COL5A1: variants seen among roughly 807,000 people sequenced by gnomAD.
COL5A1 encodes collagen alpha-1(V) chain.
A neutral mutation model predicts 263.7 loss-of-function variants in COL5A1; 16 were observed. The ratio of observed to expected loss-of-function variants is 0.06; its 90% CI spans 0.04 to 0.09. COL5A1 has a LOEUF of 0.09. Ranked by LOEUF, COL5A1 falls within the 10% of genes least tolerant of loss-of-function variation. The pLI is 1.00. For missense variants in COL5A1, 2,036 were observed against 2,540.5 expected, an observed-to-expected ratio of 0.80 and a Z score of 4.27; for synonymous variants, 1,012 against 1,004.5, an observed-to-expected ratio of 1.01 and a Z score of -0.14.
At chr9:134,721,119 A>T (rs1413531231) in intron 4 of COL5A1, among the ~76,000 whole-genome samples, 1 of 152,066 alleles carries the variant, frequency 6.6e-6, no homozygotes, top group East Asian at 1.9e-4. Flanking sequence ...GACCCATCAC[A>T]TCTTTCATCA....
intron 65 of COL5A1, among the ~76,000 whole-genome samples, chr9:134,835,954 C>A (rs1839839231): frequency 6.6e-6 from 1 of 152,186 alleles, no homozygotes; most frequent in Non-Finnish European, 1.5e-5. Flanking sequence ...CCTGCGGGAG[C>A]CTCAGACATG....
rs1832733041 is a variant in COL5A1, at chr9:134,678,106, G to C, written c.110-12806G>C. On this transcript the variant is annotated intron_variant, in intron 1 of 65. Coordinates refer to ENST00000371817, the MANE Select transcript of COL5A1 (RefSeq NM_000093.5). The surrounding 1 kb of genome is among the most constrained non-coding windows in gnomAD (Gnocchi z 5.5). ...TCCCTCCGCAGCAGGGTATCTGCAG[G>C]GGTCTTGGAGGCATTCTCCCAGCTT... Among the ~76,000 whole-genome samples, 1 of 152,208 alleles carries C rather than the reference G, an allele frequency of 6.6e-6. No homozygotes were observed. The highest frequency in any genetic ancestry group is 2.1e-4 in the South Asian group (1 of 4,822).
chr9:134,777,358 C>T (rs1290954732), intron 27 of COL5A1, among the ~76,000 whole-genome samples: 1 of 152,218 alleles, frequency 6.6e-6, no homozygotes, highest in Non-Finnish European at 1.5e-5. Flanking sequence ...GTCACGGATG[C>T]CCCAATCCAG....
rs189727896 is a variant in COL5A1, at chr9:134,818,280, C to T, written c.4231-376C>T. On this transcript the variant is annotated intron_variant, in intron 54 of 65. Coordinates refer to ENST00000371817, the MANE Select transcript of COL5A1 (RefSeq NM_000093.5). The surrounding 1 kb of genome is among the most constrained non-coding windows in gnomAD (Gnocchi z 6.0). The stretch of plus-strand genomic sequence containing the variant: ...GGCTTGGGGCCTGGCCCAGAGCACA[C>T]GGGAGGCTATTCTGTCAGTGAGGTG... Among the ~76,000 whole-genome samples the T allele has an allele frequency of 9.8e-5, 15 of 152,300 alleles. No individual in the cohort carries two copies. The East Asian group carries it at 1.9e-3, about 20-fold the overall frequency.
intron 10 of COL5A1, 55 bp downstream of exon 10, chr9:134,738,570 G>A (rs775777699): frequency 1.9e-5 from 30 of 1,599,576 alleles, no homozygotes; most frequent in Non-Finnish European, 2.4e-5. Flanking sequence ...GTGGGGTGGG[G>A]TTGGTGACAC....
intron 7 of COL5A1, among the ~76,000 whole-genome samples, chr9:134,731,168 C>T (rs1834865937): frequency 1.3e-5 from 2 of 152,194 alleles, no homozygotes; most frequent in Non-Finnish European, 2.9e-5. Flanking sequence ...AGGTCCAGAC[C>T]CCTGCGTCTG....
Position 134,827,926 on chromosome 9 carries a change from C to T in COL5A1, c.5067+2022C>T, listed in dbSNP as rs116607318. On this transcript the variant is annotated intron_variant, in intron 63 of 65. Transcript: ENST00000371817. ...GAGAGGGTGGGAGAGCTCTGGGTGGCGTGAGAGGCAGATGGGACACCCCTT... is the reference window on the plus strand; with the variant it reads ...GAGAGGGTGGGAGAGCTCTGGGTGGTGTGAGAGGCAGATGGGACACCCCTT... Among the ~76,000 whole-genome samples the T allele has an allele frequency of 4.3e-3, 659 of 152,316 alleles. 4 individuals are homozygous for T. The highest frequency in any genetic ancestry group is 0.015 in the African/African-American group (637 of 41,574).
chr9:134,646,871 C>T (rs762699504), intron 1 of COL5A1, among the ~76,000 whole-genome samples: 3 of 152,210 alleles, frequency 2.0e-5, no homozygotes, highest in Non-Finnish European at 4.4e-5. Context: ...GTTTCCCTGC[C>T]TCTGAGGGGC....
chr9:134,830,076 C>G, intron 64 of COL5A1, 32 bp downstream of exon 64: 1 of 1,613,658 alleles, frequency 6.2e-7, no homozygotes, highest in Non-Finnish European at 8.5e-7. Context: ...TTGCGGTTGT[C>G]ACTTTAAACC....
Position 134,824,761 on chromosome 9 carries a change from G to A in COL5A1, c.4860G>A (p.Leu1620=), listed in dbSNP as rs1481521979. ...TCGGCTCTCTCAACTCTCTGAAGCT[G>A]GAGATTGAGCAGATGAAACGGCCCC... is the stretch of plus-strand genomic sequence containing the variant. The part of the protein sequence containing the change: ...EIFGSLNSLK[L]EIEQMKRPLG... Residue 1620 remains leucine, a synonymous_variant, in exon 62 of 66, where the codon CTG becomes CTA. Coordinates refer to ENST00000371817, the MANE Select transcript of COL5A1 (RefSeq NM_000093.5). 3.1e-6 allele frequency: 5 copies of A among 1,614,070 alleles called. No individual in the cohort carries two copies. The highest frequency in any genetic ancestry group is 4.5e-5 in the East Asian group (2 of 44,884).
rs1232704675 is a variant in COL5A1, at chr9:134,710,940, TGGG to T, written c.654+9610_654+9612del. On this transcript the variant is annotated intron_variant, in intron 4 of 65. Coordinates refer to ENST00000371817, the MANE Select transcript of COL5A1 (RefSeq NM_000093.5). ...GGGCCCCGTCTGTTGGGTGCAGTGG[TGGG>T]GGAGGGGCCCCGTCTGTTGGGTGCA... is the stretch of plus-strand genomic sequence containing the variant. Among the ~76,000 whole-genome samples the T allele has an allele frequency of 2.9e-4, 22 of 76,906 alleles. 2 individuals carry two copies. The highest frequency in any genetic ancestry group is 1.0e-3 in the South Asian group (2 of 1,962). 50.5% of individuals were successfully genotyped at this position (76,906 alleles called of 152,430 possible).
At chr9:134,803,966 C>A (rs1472527874) in intron 39 of COL5A1, among the ~76,000 whole-genome samples, 1 of 152,160 alleles carries the variant, frequency 6.6e-6, no homozygotes, top group Non-Finnish European at 1.5e-5. Flanking sequence ...ATATCTCCTC[C>A]CCTGGGCGCC....
intron 9 of COL5A1, among the ~76,000 whole-genome samples, chr9:134,734,169 G>A (rs1346880702): frequency 6.6e-6 from 1 of 152,204 alleles, no homozygotes; most frequent in East Asian, 1.9e-4. Flanking sequence ...CGGGAAGGCA[G>A]CAGTGGGCAA....
intron 1 of COL5A1, among the ~76,000 whole-genome samples, chr9:134,646,177 C>T (rs558086484): frequency 7.9e-4 from 120 of 152,274 alleles, no homozygotes; most frequent in African/African-American, 2.0e-3. Flanking sequence ...TTGGGGAGAC[C>T]GAGGCAAATG....
intron 57 of COL5A1, 100 bp from the exon 58 acceptor site, chr9:134,820,016 T>C (rs1000012257): frequency 1.9e-5 from 17 of 889,704 alleles, no homozygotes; most frequent in African/African-American, 3.3e-5. Context: ...GATGTAAAGC[T>C]TCCTGTGCCA....
chr9:134,666,364 G>A (rs1832356189), intron 1 of COL5A1, among the ~76,000 whole-genome samples: 1 of 150,424 alleles, frequency 6.6e-6, no homozygotes, highest in Admixed American at 6.6e-5. Flanking sequence ...AGGCTCCTGG[G>A]GCCATTCTGC....
chr9:134,739,935 C>T (rs754374103), intron 11 of COL5A1, among the ~76,000 whole-genome samples: 6 of 152,188 alleles, frequency 3.9e-5, no homozygotes, highest in South Asian at 2.1e-4. Flanking sequence ...GTCAGCTATG[C>T]GGGAGGAGGT....
chr9:134,660,272 C>A (rs1404672973), intron 1 of COL5A1, among the ~76,000 whole-genome samples: 2 of 152,214 alleles, frequency 1.3e-5, no homozygotes, highest in African/African-American at 4.8e-5. Context: ...AAGAGTTTTA[C>A]TCTTGGTTTT....
chr9:134,791,669 C>A (rs778681697), intron 32 of COL5A1, among the ~76,000 whole-genome samples: 4 of 152,076 alleles, frequency 2.6e-5, no homozygotes, highest in Non-Finnish European at 5.9e-5. Context: ...AGCCTCTGGG[C>A]GCTGGCTTGC....
Sources: gnomAD v4.1 joint callset for allele counts (sites outside exome capture counted in the v4.1 genomes callset) on GRCh38, gnomAD v4.1.1 for gene constraint, Gnocchi (gnomAD v3.1) non-coding constraint, MANE v1.5 for transcripts, NCBI Gene and HGNC (gene_info 2026-07-23, HGNC 2026-07-21) for gene names.